POU3F3: variants seen among roughly 807,000 people sequenced by gnomAD.
POU3F3 encodes the protein POU class 3 homeobox 3.
A neutral mutation model predicts 8.6 loss-of-function variants in POU3F3; 1 was observed. That is an observed-to-expected ratio of 0.12 (90% CI 0.04 to 0.55). The LOEUF is 0.55. Among genes scored for constraint, POU3F3 ranks in the 20% least tolerant of loss-of-function variants. The pLI is 0.91. For synonymous variants in POU3F3, 418 were observed against 327.4 expected (o/e 1.28, Z -2.99); for missense variants, 577 against 690.7 (o/e 0.84, Z 1.84).
chr2:104,881,126 C>CTT, the POU3F3 span, among the ~76,000 whole-genome samples: 1 of 147,586 alleles, frequency 6.8e-6, no homozygotes, highest in South Asian at 2.2e-4. Flanking sequence ...TTCTTACTTT[C>CTT]TTTCTTTCTT....
chr2:104,887,796 G>A, the POU3F3 span, among the ~76,000 whole-genome samples: 2 of 152,184 alleles, frequency 1.3e-5, no homozygotes, highest in African/African-American at 2.4e-5. Flanking sequence ...CACAAGGATG[G>A]ATGCGTCCAT....
At chr2:104,922,311 A>G in the POU3F3 span, among the ~76,000 whole-genome samples, 1 of 150,916 alleles carries the variant, frequency 6.6e-6, no homozygotes, top group Non-Finnish European at 1.5e-5. Flanking sequence ...CAAAAAATAA[A>G]CCAACAGAAG....
the POU3F3 span, among the ~76,000 whole-genome samples, chr2:104,879,015 CAT>C: frequency 6.6e-6 from 1 of 151,638 alleles, no homozygotes; most frequent in Non-Finnish European, 1.5e-5. Context: ...CAACACAAAA[CAT>C]ATACAGCACA....
chr2:104,854,204 G>A lies in POU3F3; in HGVS notation c.-1307G>A, dbSNP rs929650115. Among the ~76,000 whole-genome samples, 11 of 152,150 alleles carry A rather than the reference G, an allele frequency of 7.2e-5. No homozygotes were observed. In the East Asian group the frequency reaches 1.9e-3, roughly 27 times the overall value. ...GGCGCCCGAGAGAGGGAGAGAGAGA[G>A]AGGGAGGGAGAGGAAAAGTGAGAGA... On this transcript the variant is annotated 5_prime_UTR_variant, in exon 1 of 1. Transcript: ENST00000361360. The surrounding 1 kb of genome is among the most constrained non-coding windows in gnomAD (Gnocchi z 4.5).
rs766869344 is a variant in POU3F3 at position 104,856,711 on chromosome 2, G to T, written c.1201G>T (p.Ala401Ser). The T allele has an allele frequency of 6.2e-7, 1 of 1,614,128 alleles. No homozygotes were observed. The highest frequency in any genetic ancestry group is 8.5e-7 in the Non-Finnish European group (1 of 1,180,034). Residue 401 changes from alanine to serine, a missense_variant, in exon 1 of 1, where the codon GCG (alanine) becomes TCG (serine). By Grantham distance (99) the Ala-to-Ser change is moderately conservative (BLOSUM62 1). Transcript: ENST00000361360. ...TGSPTSIDKI[A>S]AQGRKRKKRT... Reference sequence around the variant, plus strand: ...CAGCCCCACAAGCATCGACAAGATCGCGGCGCAGGGCCGCAAGCGCAAGAA... The same window carrying T: ...CAGCCCCACAAGCATCGACAAGATCTCGGCGCAGGGCCGCAAGCGCAAGAA...
chr2:104,855,613 G>A lies in POU3F3; in HGVS notation c.103G>A (p.Gly35Ser). ...DAAGAGGGGGGGGGGGGGGAG... is the reference protein window; with the variant it reads ...DAAGAGGGGGSGGGGGGGGAG... ...GGCAGGGGCTGGCGGCGGCGGGGGT[G>A]GCGGCGGCGGCGGCGGCGGGGGCGG... The change falls in exon 1 of 1, where the codon GGC becomes AGC. Residue 35 changes from glycine (G) to serine (S), a missense_variant. Physicochemically the swap from Gly to Ser is moderately conservative, Grantham distance 56. Around this residue, in one of 7 missense-constraint regions of POU3F3, gnomAD observed 484 missense variants for 422.6 expected, o/e 1.15. Coordinates refer to ENST00000361360, the MANE Select transcript of POU3F3 (RefSeq NM_006236.3). 2.4e-6 allele frequency: 2 copies of A among 822,506 alleles called. No individual in the cohort carries two copies. Among genetic ancestry groups the A allele is most frequent in the Non-Finnish European group, 2.9e-6 (2 of 686,356 alleles). The allele number at this position is 822,506 out of a possible 1,614,324, so 51.0% of individuals were successfully genotyped here. A position where few individuals can be genotyped will look rare whatever the true frequency, so the allele number is the denominator to read the frequency against.
chr2:104,855,449 C>G lies in POU3F3; in HGVS notation c.-62C>G. The G allele has an allele frequency of 1.2e-6, 1 of 834,202 alleles. No individual in the cohort carries two copies. The highest frequency in any genetic ancestry group is 1.4e-6 in the Non-Finnish European group (1 of 708,576). 51.7% of individuals were successfully genotyped at this position (834,202 alleles called of 1,614,324 possible). On this transcript the variant is annotated 5_prime_UTR_variant, in exon 1 of 1. Transcript: ENST00000361360. ...GCGGCGGCGGCGGCGGCGGCGGCCG[C>G]GGCTGCTGCTGCGGCGGCGGCGGCG...
chr2:104,895,411 A>G, the POU3F3 span, among the ~76,000 whole-genome samples: 1 of 152,246 alleles, frequency 6.6e-6, no homozygotes, highest in South Asian at 2.1e-4. Flanking sequence ...TATTTTCCTT[A>G]ATAGCCTTTT....
chr2:104,898,691 T>C, the POU3F3 span, among the ~76,000 whole-genome samples: 1 of 152,220 alleles, frequency 6.6e-6, no homozygotes, highest in Non-Finnish European at 1.5e-5. Context: ...ACACTTTGAA[T>C]TTTTCTGCTT....
At chr2:104,894,667 C>T in the POU3F3 span, among the ~76,000 whole-genome samples, 4 of 152,196 alleles carry the variant, frequency 2.6e-5, no homozygotes, top group Non-Finnish European at 4.4e-5. Flanking sequence ...ATTCAAAAAA[C>T]ACAGATAGAC....
chr2:104,894,640 T>C, the POU3F3 span, among the ~76,000 whole-genome samples: 1 of 50 alleles, frequency 0.02, no homozygotes, highest in Non-Finnish European at 0.033. Context: ...GTGGCCAGGC[T>C]GTGCTTTCAG....
At chr2:104,875,817 A>G in the POU3F3 span, among the ~76,000 whole-genome samples, 1 of 152,152 alleles carries the variant, frequency 6.6e-6, no homozygotes. Flanking sequence ...CCTGGGTTCA[A>G]GCAATTCTCC....
chr2:104,872,987 A>G, the POU3F3 span, among the ~76,000 whole-genome samples: 1 of 152,176 alleles, frequency 6.6e-6, no homozygotes, highest in African/African-American at 2.4e-5. The surrounding 1 kb of genome is among the most constrained non-coding windows in gnomAD (Gnocchi z 4.6). Context: ...AGGGTCCCCA[A>G]GGGCCTTTTC....
the POU3F3 span, among the ~76,000 whole-genome samples, chr2:104,884,416 C>T: frequency 6.6e-5 from 10 of 152,182 alleles, no homozygotes; most frequent in African/African-American, 1.9e-4. Flanking sequence ...ACATCGACAC[C>T]GCAGGGGACC....
At chr2:104,910,349 A>G in the POU3F3 span, among the ~76,000 whole-genome samples, 1 of 152,162 alleles carries the variant, frequency 6.6e-6, no homozygotes, top group African/African-American at 2.4e-5. Context: ...CAATATATCT[A>G]CAAGCGGCTT....
the POU3F3 span, among the ~76,000 whole-genome samples, chr2:104,909,677 C>G: frequency 6.6e-6 from 1 of 152,180 alleles, no homozygotes; most frequent in African/African-American, 2.4e-5. Flanking sequence ...CAGTCAACTC[C>G]CATTTTGACA....
chr2:104,870,797 T>C, the POU3F3 span, among the ~76,000 whole-genome samples: 2 of 152,164 alleles, frequency 1.3e-5, no homozygotes, highest in Non-Finnish European at 2.9e-5. Flanking sequence ...GGACTTCCAT[T>C]TGGGATAAGA....
the POU3F3 span, among the ~76,000 whole-genome samples, chr2:104,925,337 T>C: frequency 6.6e-6 from 1 of 152,166 alleles, no homozygotes; most frequent in Non-Finnish European, 1.5e-5. Flanking sequence ...GGGTATTAAA[T>C]GGGAATGAAC....
At chr2:104,878,503 T>C in the POU3F3 span, among the ~76,000 whole-genome samples, 1 of 152,242 alleles carries the variant, frequency 6.6e-6, no homozygotes, top group Non-Finnish European at 1.5e-5. Context: ...GGAAGCTTGG[T>C]GCTTTTATTC....
Sources: gnomAD v4.1 joint callset for allele counts (sites outside exome capture counted in the v4.1 genomes callset) on GRCh38, gnomAD v4.1.1 for gene constraint, gnomAD v4.1.1 regional missense constraint, Gnocchi (gnomAD v3.1) non-coding constraint, MANE v1.5 for transcripts, NCBI Gene and HGNC (gene_info 2026-07-23, HGNC 2026-07-21) for gene names.